DCUN1D5: variants seen among roughly 807,000 people sequenced by gnomAD.
DCUN1D5 encodes DCN1-like protein 5.
DCUN1D5 carries 10 observed loss-of-function variants against 38.3 expected under a neutral mutation model. The observed-to-expected ratio is 0.26, with a 90% CI of 0.16 to 0.44. The LOEUF is 0.44. Ranked by LOEUF, DCUN1D5 falls within the 20% of genes least tolerant of loss-of-function variation. The pLI, the probability that DCUN1D5 is intolerant of heterozygous loss-of-function variation, is 1.00. For missense variants in DCUN1D5, 148 were observed against 275.3 expected (o/e 0.54, Z 3.27); for synonymous variants, 93 against 90.9 (o/e 1.02, Z -0.13).
intron 4 of DCUN1D5, among the ~76,000 whole-genome samples, chr11:103,072,367 A>T (rs576554781): frequency 1.7e-4 from 24 of 141,376 alleles, no homozygotes; most frequent in African/African-American, 4.0e-4. Context: ...TAGATCTAGA[A>T]CTAGAACTAG....
In DCUN1D5 at chr11:103,062,544, C is replaced by A. The variant is rs1324516991; in HGVS notation, c.659-130G>T. 2 of 730,102 alleles carry A rather than the reference C, an allele frequency of 2.7e-6. No individual in the cohort carries two copies. The highest frequency in any genetic ancestry group is 3.7e-5 in the South Asian group (2 of 54,128). The allele number at this position is 730,102 out of a possible 1,614,324, so 45.2% of individuals were successfully genotyped here. A position where few individuals can be genotyped will look rare whatever the true frequency, so the allele number is the denominator to read the frequency against. ...TTTCTTTGGGTGTTCTGCTTCTAGA[C>A]ACCTTATTCCATTTAATGGTGCTTT... On this transcript the variant is annotated intron_variant, in intron 7 of 7. Coordinates refer to ENST00000260247, the MANE Select transcript of DCUN1D5 (RefSeq NM_032299.4). The surrounding 1 kb of genome is among the most constrained non-coding windows in gnomAD (Gnocchi z 4.6).
In DCUN1D5 at chr11:103,078,987, A is replaced by G. The variant is rs1349417230; in HGVS notation, c.341+3761T>C. Among the ~76,000 whole-genome samples, 1 of 152,220 alleles carries G rather than the reference A, an allele frequency of 6.6e-6. No individual in the cohort carries two copies. The highest frequency in any genetic ancestry group is 1.5e-5 in the Non-Finnish European group (1 of 68,036). ...AAGGTGCCCAATGTCTGGGCTGAGC[A>G]TAATTACCAGCCTGTGGCCTGTTAG... On this transcript the variant is annotated intron_variant, in intron 4 of 7. Coordinates refer to ENST00000260247, the MANE Select transcript of DCUN1D5 (RefSeq NM_032299.4). The surrounding 1 kb of genome is among the most constrained non-coding windows in gnomAD (Gnocchi z 4.6).
chr11:103,074,356 T>C (rs1037538708), intron 4 of DCUN1D5, among the ~76,000 whole-genome samples: 5 of 152,214 alleles, frequency 3.3e-5, no homozygotes, highest in African/African-American at 1.2e-4. Flanking sequence ...CGTAGATCAC[T>C]GATCCTTACA....
At chr11:103,070,854 A>G (rs1262954747) in intron 4 of DCUN1D5, among the ~76,000 whole-genome samples, 5 of 152,170 alleles carry the variant, frequency 3.3e-5, no homozygotes, top group East Asian at 3.8e-4. Context: ...AAATAACTGA[A>G]ATAAAAAAGA....
rs553423122 is a variant in DCUN1D5 at position 103,053,499 on chromosome 11, C to T, written c.*8860G>A. 1.3e-4 allele frequency: 20 copies of T among 152,018 alleles called. No homozygotes were observed. Among genetic ancestry groups the T allele is most frequent in the African/African-American group, 4.8e-4 (20 of 41,486 alleles). 9.4% of individuals were successfully genotyped at this position (152,018 alleles called of 1,614,324 possible). On this transcript the variant is annotated 3_prime_UTR_variant, in exon 8 of 8. Transcript: ENST00000260247. The surrounding 1 kb of genome is among the most constrained non-coding windows in gnomAD (Gnocchi z 4.8). ...CATTTCAAAATAGCTAAAGAGAATT[C>T]GAATGTTCCTAGTGTAAAGAAAACA...
rs577257786 is a variant in DCUN1D5, at chr11:103,087,311, C to T, written c.178+1916G>A. Among the ~76,000 whole-genome samples the T allele has an allele frequency of 2.3e-4, 35 of 152,034 alleles. No homozygotes were observed. The highest frequency in any genetic ancestry group is 7.5e-4 in the African/African-American group (31 of 41,460). On this transcript the variant is annotated intron_variant, in intron 2 of 7. Coordinates refer to ENST00000260247, the MANE Select transcript of DCUN1D5 (RefSeq NM_032299.4). The surrounding 1 kb of genome is among the most constrained non-coding windows in gnomAD (Gnocchi z 4.1). The stretch of plus-strand genomic sequence containing the variant: ...CCAGCCTCCCAAGTAGCTGGGACTA[C>T]AGGCGCACACCACCACGCCCGGCTA...
At chr11:103,075,237 T>A (rs755673823) in intron 4 of DCUN1D5, among the ~76,000 whole-genome samples, 3 of 152,216 alleles carry the variant, frequency 2.0e-5, no homozygotes, top group African/African-American at 7.2e-5. Context: ...ATGCATGACA[T>A]GTCAACAACC....
At chr11:103,074,049 G>GT (rs1862344369) in intron 4 of DCUN1D5, among the ~76,000 whole-genome samples, 1 of 152,150 alleles carries the variant, frequency 6.6e-6, no homozygotes, top group Non-Finnish European at 1.5e-5. Context: ...AGTGCAAACT[G>GT]TGAGTGAGAC....
Position 103,091,710 on chromosome 11 carries a change from CG to C in DCUN1D5, c.86+76del. ...TGTCTCCAGCCCCAGCCCGGCAGGC[CG>C]GGCCCGACTCCTTTTCCTCCAGTTG... On this transcript the variant is annotated intron_variant, in intron 1 of 7. Transcript: ENST00000260247. The surrounding 1 kb of genome is among the most constrained non-coding windows in gnomAD (Gnocchi z 4.3). 6.2e-7 allele frequency: 1 copy of C among 1,611,004 alleles called. No homozygotes were observed. The highest frequency in any genetic ancestry group is 1.1e-5 in the South Asian group (1 of 90,958).
Position 103,089,221 on chromosome 11 carries a change from C to A in DCUN1D5, c.178+6G>T. 6.2e-7 allele frequency: 1 copy of A among 1,612,030 alleles called. No homozygotes were observed. The highest frequency in any genetic ancestry group is 2.2e-5 in the East Asian group (1 of 44,822). ...GACTAGTATCTTCTTATATTAATTT[C>A]ATTACCTGCATATTCATAAAACCAA... On this transcript the variant is annotated splice_donor_region_variant and intron_variant, in intron 2 of 7. Transcript: ENST00000260247.
In DCUN1D5 at chr11:103,087,315, C is replaced by A. The variant is rs138599634; in HGVS notation, c.178+1912G>T. Among the ~76,000 whole-genome samples the A allele has an allele frequency of 1.3e-5, 2 of 151,820 alleles. No homozygotes were observed. Among genetic ancestry groups the A allele is most frequent in the Non-Finnish European group, 2.9e-5 (2 of 67,942 alleles). ...CCTCCCAAGTAGCTGGGACTACAGG[C>A]GCACACCACCACGCCCGGCTAATTG... is the stretch of plus-strand genomic sequence containing the variant. On this transcript the variant is annotated intron_variant, in intron 2 of 7. Coordinates refer to ENST00000260247, the MANE Select transcript of DCUN1D5 (RefSeq NM_032299.4). The surrounding 1 kb of genome is among the most constrained non-coding windows in gnomAD (Gnocchi z 4.1).
rs1428826550 is a variant in DCUN1D5 at position 103,086,255 on chromosome 11, G to T, written c.179-2929C>A. On this transcript the variant is annotated intron_variant, in intron 2 of 7. Coordinates refer to ENST00000260247, the MANE Select transcript of DCUN1D5 (RefSeq NM_032299.4). The surrounding 1 kb of genome is among the most constrained non-coding windows in gnomAD (Gnocchi z 4.1). ...TAAGAGTCATTAATTTTGGAACACTGTAAAAAACACACAACCAGTAAATCT... is the reference window on the plus strand; with the variant it reads ...TAAGAGTCATTAATTTTGGAACACTTTAAAAAACACACAACCAGTAAATCT... Among the ~76,000 whole-genome samples, 1 of 151,984 alleles carries T rather than the reference G, an allele frequency of 6.6e-6. No homozygotes were observed. The highest frequency in any genetic ancestry group is 1.5e-5 in the Non-Finnish European group (1 of 67,994).
Position 103,073,652 on chromosome 11 carries a change from T to C in DCUN1D5, c.342-7085A>G, listed in dbSNP as rs1862334105. Among the ~76,000 whole-genome samples the C allele has an allele frequency of 1.3e-5, 2 of 152,156 alleles. No homozygotes were observed. ...TTTACATAGCTTTTACAGAAATTAA[T>C]TCAAAATGCACCACTGACTTACATG... On this transcript the variant is annotated intron_variant, in intron 4 of 7. Coordinates refer to ENST00000260247, the MANE Select transcript of DCUN1D5 (RefSeq NM_032299.4). The surrounding 1 kb of genome is among the most constrained non-coding windows in gnomAD (Gnocchi z 4.2).
In DCUN1D5 at chr11:103,087,729, G is replaced by T. The variant is rs1268881860; in HGVS notation, c.178+1498C>A. Among the ~76,000 whole-genome samples the T allele has an allele frequency of 2.0e-5, 3 of 151,872 alleles. No individual in the cohort carries two copies. Among genetic ancestry groups the T allele is most frequent in the Admixed American group, 6.6e-5 (1 of 15,260 alleles). ...GTCACAAGAAAAAATAATATACCTG[G>T]GACAATTCCTGGAATAATGCAATTA... On this transcript the variant is annotated intron_variant, in intron 2 of 7. Coordinates refer to ENST00000260247, the MANE Select transcript of DCUN1D5 (RefSeq NM_032299.4). The surrounding 1 kb of genome is among the most constrained non-coding windows in gnomAD (Gnocchi z 4.1).
At position 103,059,492 on chromosome 11, in the gene DCUN1D5, G is replaced by A. The variant is rs1284242819; in HGVS notation, c.*2867C>T. ...GCAGTTCAAGAAACACTAATCTAGA[G>A]TGCTTCTGAGTAAAAACCAATAAAA... is the stretch of plus-strand genomic sequence containing the variant. On this transcript the variant is annotated 3_prime_UTR_variant, in exon 8 of 8. Coordinates refer to ENST00000260247, the MANE Select transcript of DCUN1D5 (RefSeq NM_032299.4). 6.6e-6 allele frequency among the ~76,000 whole-genome samples: 1 copy of A among 152,102 alleles called. No homozygotes were observed. The highest frequency in any genetic ancestry group is 1.5e-5 in the Non-Finnish European group (1 of 68,016).
chr11:103,064,526 C>T lies in DCUN1D5; in HGVS notation c.556-149G>A. ...AATTATTTGTGTTTCTAAGAGATTC[C>T]TCATGGGCATTTACATATTAACATA... On this transcript the variant is annotated intron_variant, in intron 6 of 7. Coordinates refer to ENST00000260247, the MANE Select transcript of DCUN1D5 (RefSeq NM_032299.4). The surrounding 1 kb of genome is among the most constrained non-coding windows in gnomAD (Gnocchi z 4.5). 1.7e-6 allele frequency: 1 copy of T among 603,396 alleles called. No homozygotes were observed. Among genetic ancestry groups the T allele is most frequent in the South Asian group, 2.6e-5 (1 of 38,168 alleles). The allele number at this position is 603,396 out of a possible 1,614,324, so 37.4% of individuals were successfully genotyped here.
chr11:103,076,436 A>T (rs1862408999), intron 4 of DCUN1D5, among the ~76,000 whole-genome samples: 4 of 152,228 alleles, frequency 2.6e-5, no homozygotes, highest in Admixed American at 1.3e-4. Flanking sequence ...TTTACATTTC[A>T]TGGGTACACA....
At position 103,056,195 on chromosome 11, in the gene DCUN1D5, G is replaced by C. The variant is rs1384746804; in HGVS notation, c.*6164C>G. ...TGATCTGAATCCTAATTGCTTGCTAGCTCACTCAGTAAAGTCCTACTCTTG... is the reference window on the plus strand; with the variant it reads ...TGATCTGAATCCTAATTGCTTGCTACCTCACTCAGTAAAGTCCTACTCTTG... On this transcript the variant is annotated 3_prime_UTR_variant, in exon 8 of 8. Coordinates refer to ENST00000260247, the MANE Select transcript of DCUN1D5 (RefSeq NM_032299.4). The surrounding 1 kb of genome is among the most constrained non-coding windows in gnomAD (Gnocchi z 4.9). Among the ~76,000 whole-genome samples the C allele has an allele frequency of 1.3e-5, 2 of 152,050 alleles. No homozygotes were observed. The highest frequency in any genetic ancestry group is 2.9e-5 in the Non-Finnish European group (2 of 68,010).
In DCUN1D5 at chr11:103,054,245, G is replaced by A. The variant is rs1861817491; in HGVS notation, c.*8114C>T. 6.6e-6 allele frequency: 1 copy of A among 152,128 alleles called. No individual in the cohort carries two copies. Among genetic ancestry groups the A allele is most frequent in the African/African-American group, 2.4e-5 (1 of 41,430 alleles). The allele number at this position is 152,128 out of a possible 1,614,324, so 9.4% of individuals were successfully genotyped here. A position where few individuals can be genotyped will look rare whatever the true frequency, so the allele number is the denominator to read the frequency against. ...ACTGCTCTTGAGGAATGGGGTTAAA[G>A]TCTGCTTGAAGAAGTAGTGGGAGCA... On this transcript the variant is annotated 3_prime_UTR_variant, in exon 8 of 8. Coordinates refer to ENST00000260247, the MANE Select transcript of DCUN1D5 (RefSeq NM_032299.4).
Sources: gnomAD v4.1 joint callset for allele counts (sites outside exome capture counted in the v4.1 genomes callset) on GRCh38, gnomAD v4.1.1 for gene constraint, Gnocchi (gnomAD v3.1) non-coding constraint, MANE v1.5 for transcripts, NCBI Gene and HGNC (gene_info 2026-07-23, HGNC 2026-07-21) for gene names.